Variants in AGL observed in about 807,000 individuals in gnomAD.
AGL encodes amylo-alpha-1,6-glucosidase and 4-alpha-glucanotransferase, also known as glycogen debranching enzyme.
A neutral mutation model predicts 199.3 loss-of-function variants in AGL; 128 were observed. The ratio of observed to expected loss-of-function variants is 0.64; its 90% CI spans 0.56 to 0.74. The LOEUF (loss-of-function observed/expected upper bound fraction) is 0.74. Ranked by LOEUF, AGL falls within the 30% of genes least tolerant of loss-of-function variation. The pLI, the probability that AGL is intolerant of heterozygous loss-of-function variation, is 0.00. For synonymous variants in AGL, 584 were observed against 594.7 expected (o/e 0.98, Z 0.26); for missense variants, 1,809 against 1,820.8 (o/e 0.99, Z 0.12).
chr1:99,871,004 CTG>C lies in AGL; in HGVS notation c.958+138_958+139del, dbSNP rs142832447. The stretch of plus-strand genomic sequence containing the variant: ...TTGTGTTATTGTTGATATTATAAAA[CTG>C]TGATTCTGTAAGCTGAGAGTTAGCA... On this transcript the variant is annotated intron_variant, in intron 7 of 33. Coordinates refer to ENST00000361915, the MANE Select transcript of AGL (RefSeq NM_000642.3). 3.0e-4 allele frequency: 196 copies of C among 643,694 alleles called. No homozygotes were observed. The African/African-American group carries it at 3.3e-3, about 11-fold the overall frequency. 39.9% of individuals were successfully genotyped at this position (643,694 alleles called of 1,614,324 possible).
chr1:99,907,661 T>C (rs2640916), intron 27 of AGL, among the ~76,000 whole-genome samples: 1 of 150,798 alleles, frequency 6.6e-6, no homozygotes, highest in African/African-American at 2.4e-5. Flanking sequence ...GTTGTTTTGG[T>C]TTTTGTTTTT....
chr1:99,881,784 T>TG, intron 17 of AGL, 93 bp downstream of exon 17: 1 of 1,157,608 alleles, frequency 8.6e-7, no homozygotes, highest in Non-Finnish European at 1.2e-6. Context: ...GTATATATCA[T>TG]ATATATTATA....
upstream of AGL, chr1:99,850,099 G>C (rs1648826368): frequency 6.6e-6 from 1 of 152,478 alleles, no homozygotes; most frequent in African/African-American, 2.4e-5. Context: ...AAGTGGGCCA[G>C]AGGTACGGTC....
At chr1:99,876,373 A>C in intron 10 of AGL, 85 bp from the exon 11 acceptor site, 1 of 1,048,916 alleles carries the variant, frequency 9.5e-7, no homozygotes. Flanking sequence ...TCATTAGAAA[A>C]GAAGTTTAGT....
intron 25 of AGL, among the ~76,000 whole-genome samples, chr1:99,898,231 A>G (rs964241865): frequency 6.6e-6 from 1 of 152,084 alleles, no homozygotes; most frequent in African/African-American, 2.4e-5. Flanking sequence ...TATTTTTAGT[A>G]GAGACCGGGT....
intron 2 of AGL, among the ~76,000 whole-genome samples, chr1:99,857,757 C>T (rs1406462661): frequency 4.1e-5 from 6 of 145,528 alleles, no homozygotes; most frequent in Non-Finnish European, 9.0e-5. Flanking sequence ...GCCGAGATGG[C>T]GGCAGTACAG....
In AGL at chr1:99,915,479, G is replaced by A; in HGVS notation, c.4252G>A (p.Asp1418Asn). 6.2e-7 allele frequency: 1 copy of A among 1,603,836 alleles called. No individual in the cohort carries two copies. Among genetic ancestry groups the A allele is most frequent in the Non-Finnish European group, 8.5e-7 (1 of 1,171,274 alleles). Residue 1418 changes from aspartate to asparagine, a missense_variant, in exon 31 of 34, where the codon GAT (aspartate) becomes AAT (asparagine). Transcript: ENST00000361915. ...TGGTCCCCTTGGCATGAAAACTTTA[G>A]ATCCAGAGTAAGTTGGAATATAAGT... ...LLGPLGMKTLDPDDMVYCGIY... is the reference protein window; with the variant it reads ...LLGPLGMKTLNPDDMVYCGIY...
At chr1:99,911,651 C>G (rs1318647445) in intron 28 of AGL, among the ~76,000 whole-genome samples, 1 of 152,184 alleles carries the variant, frequency 6.6e-6, no homozygotes, top group Non-Finnish European at 1.5e-5. Flanking sequence ...CCATGTTGGC[C>G]AGGCTGATCT....
chr1:99,891,330 A>C lies in AGL; in HGVS notation c.2923A>C (p.Ile975Leu). The change falls in exon 22 of 34, where the codon ATT becomes CTT. Residue 975 changes from isoleucine to leucine, a missense_variant. Ile to Leu is a conservative substitution (Grantham distance 5). Coordinates refer to ENST00000361915, the MANE Select transcript of AGL (RefSeq NM_000642.3). The part of the protein sequence containing the change: ...WMIDYVSNRL[I>L]SRSGTIAEVG... ...GATTGACTATGTCAGTAACCGGCTT[A>C]TTTCACGATCAGGAACTATTGCTGA... 1.2e-6 allele frequency: 2 copies of C among 1,613,750 alleles called. No individual in the cohort carries two copies. Among genetic ancestry groups the C allele is most frequent in the South Asian group, 2.2e-5 (2 of 91,070 alleles).
chr1:99,890,392 A>G (rs1253277625), intron 21 of AGL, among the ~76,000 whole-genome samples: 1 of 148,980 alleles, frequency 6.7e-6, no homozygotes, highest in African/African-American at 2.4e-5. Context: ...CAACATCTTT[A>G]TGTTTTAAGC....
At chr1:99,863,217 C>A (rs1005869000) in intron 4 of AGL, among the ~76,000 whole-genome samples, 3 of 151,918 alleles carry the variant, frequency 2.0e-5, no homozygotes, top group African/African-American at 7.3e-5. Flanking sequence ...GGATTATAGG[C>A]ATGAGCTGCT....
At chr1:99,906,476 A>G (rs1202019579) in intron 27 of AGL, among the ~76,000 whole-genome samples, 1 of 152,196 alleles carries the variant, frequency 6.6e-6, no homozygotes, top group African/African-American at 2.4e-5. Context: ...ACAGATCTCT[A>G]GAACTTTTTT....
At chr1:99,876,260 A>G (rs1002278574) in intron 10 of AGL, among the ~76,000 whole-genome samples, 198 bp from the exon 11 acceptor site, 2 of 152,134 alleles carry the variant, frequency 1.3e-5, no homozygotes, top group Admixed American at 1.3e-4. Flanking sequence ...TTAACTCCCT[A>G]TTTCTCACAT....
chr1:99,862,185 G>T, intron 3 of AGL, 72 bp from the exon 4 acceptor site: 1 of 1,399,136 alleles, frequency 7.1e-7, no homozygotes, highest in South Asian at 1.2e-5. Flanking sequence ...TTTAGTTAGA[G>T]TCAGACTATA....
At chr1:99,896,443 A>C (rs2100804315) in intron 25 of AGL, 55 bp downstream of exon 25, 1 of 1,295,892 alleles carries the variant, frequency 7.7e-7, no homozygotes, top group Non-Finnish European at 1.1e-6. Context: ...TGTCTTTTAC[A>C]TGCTCTTCAA....
chr1:99,887,869 C>A, intron 20 of AGL, 109 bp from the exon 21 acceptor site: 3 of 1,256,104 alleles, frequency 2.4e-6, no homozygotes, highest in Non-Finnish European at 2.3e-6. Flanking sequence ...GTTCCTAAAA[C>A]ATACACTGCT....
intron 1 of AGL, 48 bp downstream of exon 1, chr1:99,850,463 T>C (rs1648861164): frequency 6.5e-6 from 1 of 153,588 alleles, no homozygotes; most frequent in African/African-American, 2.4e-5. Flanking sequence ...GCATTCTTTC[T>C]ATCTATAGCT....
At chr1:99,886,283 C>A (rs1309963047) in intron 20 of AGL, among the ~76,000 whole-genome samples, 4 of 152,126 alleles carry the variant, frequency 2.6e-5, no homozygotes, top group African/African-American at 9.7e-5. Context: ...CAAGACCAGC[C>A]TGGGCAACAT....
At chr1:99,916,108 G>C (rs1440667927) in intron 31 of AGL, among the ~76,000 whole-genome samples, 10 of 152,046 alleles carry the variant, frequency 6.6e-5, no homozygotes, top group African/African-American at 2.4e-4. Context: ...CTAGGAAATA[G>C]TTGACTTTAA....
Sources: allele counts gnomAD v4.1 joint callset (sites outside exome capture counted in the v4.1 genomes callset), GRCh38; gene constraint gnomAD v4.1.1; transcripts MANE v1.5; gene names NCBI Gene and HGNC (gene_info 2026-07-23, HGNC 2026-07-21).